The following TENM2 variants were observed in gnomAD, a reference collection of about 807,000 sequenced individuals.
TENM2 encodes the protein teneurin-2.
In TENM2, 52 loss-of-function variants were observed where a neutral mutation model predicts 245.2. The observed-to-expected ratio is 0.21, with a 90% confidence interval of 0.17 to 0.27. The LOEUF (loss-of-function observed/expected upper bound fraction) is 0.27. Among genes scored for constraint, TENM2 ranks in the 10% least tolerant of loss-of-function variants. The probability of loss-of-function intolerance (pLI) is 1.00; values close to 1 mark genes in which losing one functional copy is unlikely to be tolerated. For missense variants in TENM2, 3,046 were observed against 3,666.8 expected, an observed-to-expected ratio of 0.83 and a Z score of 4.37; for synonymous variants, 1,363 against 1,438.9, an observed-to-expected ratio of 0.95 and a Z score of 1.19.
chr5:167,765,014 T>C (rs1762915252), intron 2 of TENM2, among the ~76,000 whole-genome samples: 1 of 152,030 alleles, frequency 6.6e-6, no homozygotes, highest in South Asian at 2.1e-4. Context: ...AGGACTACAG[T>C]CTCAGTTCTC....
At chr5:167,452,668 A>T (rs1239740684) in intron 2 of TENM2, among the ~76,000 whole-genome samples, 1 of 151,842 alleles carries the variant, frequency 6.6e-6, no homozygotes, top group Non-Finnish European at 1.5e-5. Context: ...CTTTTATGAC[A>T]TTCAATCAGA....
At chr5:167,185,081 C>T in the TENM2 span, among the ~76,000 whole-genome samples, 3 of 152,162 alleles carry the variant, frequency 2.0e-5, no homozygotes, top group South Asian at 6.2e-4. Context: ...GACCCCTGCT[C>T]TACACATATA....
chr5:168,062,714 A>G (rs1465914598), intron 7 of TENM2, among the ~76,000 whole-genome samples: 1 of 152,208 alleles, frequency 6.6e-6, no homozygotes, highest in African/African-American at 2.4e-5. Flanking sequence ...GTATTGTTAC[A>G]TGCTACAACA....
intron 1 of TENM2, among the ~76,000 whole-genome samples, chr5:167,333,580 G>A (rs531845385): frequency 9.9e-5 from 15 of 152,258 alleles, no homozygotes; most frequent in East Asian, 1.9e-4. Flanking sequence ...GGACATGATC[G>A]TTGAAGGACA....
chr5:167,405,655 C>T (rs1762589062), intron 2 of TENM2, among the ~76,000 whole-genome samples: 3 of 151,740 alleles, frequency 2.0e-5, no homozygotes, highest in African/African-American at 7.3e-5. Flanking sequence ...AGCAAAGCTC[C>T]ATGAGAACTG....
rs1183274670 is a variant in TENM2 at position 168,260,280 on chromosome 5, T to C, written c.7433-3T>C. The C allele has an allele frequency of 6.2e-6, 10 of 1,613,852 alleles. No homozygotes were observed. Among genetic ancestry groups the C allele is most frequent in the African/African-American group, 4.0e-5 (3 of 74,934 alleles). The stretch of plus-strand genomic sequence containing the variant: ...AAACCTTTATTTTTGTTTTCCACCA[T>C]AGATGTGAAAAGCTGGCTTGTGATG... On this transcript the variant is annotated splice_region_variant and splice_polypyrimidine_tract_variant and intron_variant, in intron 27 of 28. Coordinates refer to ENST00000518659, the Ensembl canonical transcript of TENM2.
At chr5:167,537,250 C>CAAAAAAAAAA (rs386405596) in intron 2 of TENM2, among the ~76,000 whole-genome samples, 1 of 108,724 alleles carries the variant, frequency 9.2e-6, no homozygotes, top group Non-Finnish European at 1.8e-5. Context: ...CCATCTCTAC[C>CAAAAAAAAAA]AAAAAAAAAA....
chr5:167,756,746 CACCAAGCACCT>C (rs1041600207), intron 2 of TENM2, among the ~76,000 whole-genome samples: 14 of 152,110 alleles, frequency 9.2e-5, no homozygotes, highest in Non-Finnish European at 1.8e-4. Flanking sequence ...AGGAGCACCT[CACCAAGCACCT>C]AGGAACACAT....
chr5:167,395,260 A>AT (rs1342859893), intron 2 of TENM2, among the ~76,000 whole-genome samples: 2 of 151,964 alleles, frequency 1.3e-5, no homozygotes, highest in Middle Eastern at 3.2e-3. Context: ...TTATAGTGGG[A>AT]TTTTTTCTTA....
At chr5:167,365,603 T>A (rs980298094) in intron 1 of TENM2, among the ~76,000 whole-genome samples, 1 of 151,920 alleles carries the variant, frequency 6.6e-6, no homozygotes, top group Admixed American at 6.6e-5. Flanking sequence ...AAAAAAGTCA[T>A]AAATGTTTGT....
At chr5:167,542,934 C>T (rs1000663868) in intron 2 of TENM2, among the ~76,000 whole-genome samples, 5 of 152,152 alleles carry the variant, frequency 3.3e-5, no homozygotes, top group South Asian at 2.1e-4. Flanking sequence ...CCCTGGGATA[C>T]GTCACATGAC....
the TENM2 span, among the ~76,000 whole-genome samples, chr5:167,240,190 A>C: frequency 1.3e-5 from 2 of 151,948 alleles, no homozygotes; most frequent in Non-Finnish European, 2.9e-5. Context: ...TGACATGACT[A>C]AATAATATGA....
rs548380471 is a variant in TENM2 at position 168,036,198 on chromosome 5, G to A, written c.1187-11229G>A. ...GAGGGGGACACATAATGACCATGTC[G>A]AATGTCACTCTGCTGTCATTGCAAT... On this transcript the variant is annotated intron_variant, in intron 5 of 28. Transcript: ENST00000518659. Among the ~76,000 whole-genome samples the A allele has an allele frequency of 1.7e-4, 26 of 152,262 alleles. 1 individual carries two copies. Among genetic ancestry groups the A allele is most frequent in the Non-Finnish European group, 3.5e-4 (24 of 68,016 alleles).
Position 168,162,867 on chromosome 5 carries a change from T to G in TENM2, c.2569+110T>G, listed in dbSNP as rs906904259. 3.2e-5 allele frequency: 42 copies of G among 1,321,482 alleles called. No homozygotes were observed. The African/African-American group carries it at 5.0e-4, about 16-fold the overall frequency. The allele number at this position is 1,321,482 out of a possible 1,614,324, so 81.9% of individuals were successfully genotyped here. A position where few individuals can be genotyped will look rare whatever the true frequency, so the allele number is the denominator to read the frequency against. Reference sequence around the variant, plus strand: ...CCTCCCCTGCACTATTGTCAAATGTTGTTGTAACATTTTCTTTGAAGCAAA... The same window carrying G: ...CCTCCCCTGCACTATTGTCAAATGTGGTTGTAACATTTTCTTTGAAGCAAA... On this transcript the variant is annotated intron_variant, in intron 13 of 28. Transcript: ENST00000518659.
At chr5:167,856,136 TAAAC>T (rs1233736229) in intron 2 of TENM2, among the ~76,000 whole-genome samples, 2 of 152,152 alleles carry the variant, frequency 1.3e-5, no homozygotes, top group South Asian at 2.1e-4. Flanking sequence ...CCTCTTTGCT[TAAAC>T]AAACAATGTG....
At chr5:168,130,766 G>A (rs1035882509) in intron 12 of TENM2, among the ~76,000 whole-genome samples, 2 of 152,146 alleles carry the variant, frequency 1.3e-5, no homozygotes, top group East Asian at 1.9e-4. Flanking sequence ...GTACGTGCCT[G>A]TAGTCCCAGC....
intron 2 of TENM2, among the ~76,000 whole-genome samples, chr5:167,378,506 T>C (rs1760905412): frequency 6.6e-6 from 1 of 152,054 alleles, no homozygotes; most frequent in Non-Finnish European, 1.5e-5. Flanking sequence ...CTCAGATTCA[T>C]GTTATCTTTT....
At chr5:167,026,728 G>A in the TENM2 span, among the ~76,000 whole-genome samples, 4 of 152,188 alleles carry the variant, frequency 2.6e-5, no homozygotes, top group Non-Finnish European at 5.9e-5. Context: ...TTTGATGTGA[G>A]ATAATGAATA....
At chr5:168,186,097 G>A (rs1760403823) in intron 13 of TENM2, 1 of 151,452 alleles carries the variant, frequency 6.6e-6, no homozygotes, top group African/African-American at 2.4e-5. Context: ...CTACAACCCA[G>A]CAAGGCTGAT....
Sources: gnomAD v4.1 joint callset for allele counts (sites outside exome capture counted in the v4.1 genomes callset) on GRCh38, gnomAD v4.1.1 for gene constraint, MANE v1.5 for transcripts, NCBI Gene and HGNC (gene_info 2026-07-23, HGNC 2026-07-21) for gene names.